The following PITHD1 variants were observed in gnomAD, a reference collection of about 807,000 sequenced individuals.
The protein encoded by PITHD1 is PITH domain containing 1.
PITHD1 carries 8 observed loss-of-function variants against 27.5 expected under a neutral mutation model. The ratio of observed to expected loss-of-function variants is 0.29; its 90% CI spans 0.17 to 0.52. PITHD1 has a LOEUF of 0.52. Ranked by LOEUF, PITHD1 falls within the 20% of genes least tolerant of loss-of-function variation. PITHD1 has a pLI of 0.96. For missense variants in PITHD1, 233 were observed against 283.9 expected, an observed-to-expected ratio of 0.82 and a Z score of 1.29; for synonymous variants, 118 against 106.8, an observed-to-expected ratio of 1.10 and a Z score of -0.64.
chr1:23,785,648 T>C, intron 3 of PITHD1, 27 bp from the exon 4 acceptor site: 2 of 1,439,018 alleles, frequency 1.4e-6, no homozygotes, highest in Non-Finnish European at 2.0e-6. Flanking sequence ...GCACATTTCT[T>C]GACTTTTCTT....
chr1:23,787,923 C>G lies in PITHD1; in HGVS notation c.*547C>G, dbSNP rs891357049. 4 of 152,524 alleles carry G rather than the reference C, an allele frequency of 2.6e-5. No individual in the cohort carries two copies. Among genetic ancestry groups the G allele is most frequent in the African/African-American group, 9.6e-5 (4 of 41,526 alleles). 9.4% of individuals were successfully genotyped at this position (152,524 alleles called of 1,614,324 possible). Reference sequence around the variant, plus strand: ...GGAGTTGTCTGTCACGCACATGTGTCCTGTGGTTATAGCTAGAAGGACAGG... The same window carrying G: ...GGAGTTGTCTGTCACGCACATGTGTGCTGTGGTTATAGCTAGAAGGACAGG... On this transcript the variant is annotated 3_prime_UTR_variant, in exon 6 of 6. Transcript: ENST00000246151.
intron 3 of PITHD1, among the ~76,000 whole-genome samples, chr1:23,784,234 CTTTTTTTTTTT>C (rs774484769): frequency 7.4e-5 from 6 of 81,438 alleles, no homozygotes; most frequent in Admixed American, 3.6e-4. Flanking sequence ...CATTTGCTTT[CTTTTTTTTTTT>C]TTTTTTTTTT....
At chr1:23,781,156 C>G (rs1470347792) in intron 3 of PITHD1, among the ~76,000 whole-genome samples, 1 of 152,046 alleles carries the variant, frequency 6.6e-6, no homozygotes, top group Non-Finnish European at 1.5e-5. Context: ...CCACTGCACT[C>G]CAGTCTGGGT....
rs1333422635 is a variant in PITHD1 at position 23,787,284 on chromosome 1, C to T, written c.544C>T (p.His182Tyr). The T allele has an allele frequency of 6.2e-7, 1 of 1,613,418 alleles. No homozygotes were observed. ...LRGEWTELRR[H>Y]EVTICNYEAS... ...CTCAATTTTCTTGCAGCTTCGCCGA[C>T]ACGAGGTGACCATCTGCAATTACGA... The change falls in exon 6 of 6, where the codon CAC (histidine) becomes TAC (tyrosine). Residue 182 changes from histidine to tyrosine, a missense_variant. Physicochemically the swap from His to Tyr is moderately conservative, Grantham distance 83 (BLOSUM62 2). Transcript: ENST00000246151.
intron 4 of PITHD1, 106 bp downstream of exon 4, chr1:23,785,885 T>C: frequency 1.5e-6 from 1 of 647,460 alleles, no homozygotes. Context: ...GTTAAAACAG[T>C]GGAGGAGACT....
At chr1:23,783,709 C>T (rs1638643234) in intron 3 of PITHD1, among the ~76,000 whole-genome samples, 1 of 152,100 alleles carries the variant, frequency 6.6e-6, no homozygotes, top group Admixed American at 6.6e-5. Flanking sequence ...CCTGCCTCCG[C>T]CTCCCAAAGT....
At position 23,787,270 on chromosome 1, in the gene PITHD1, T is replaced by TG; in HGVS notation, c.535-4dup. ...CTGGCTGACCCAGCCTCAATTTTCT[T>TG]GCAGCTTCGCCGACACGAGGTGACC... On this transcript the variant is annotated splice_region_variant and splice_polypyrimidine_tract_variant and intron_variant, in intron 5 of 5. Coordinates refer to ENST00000246151, the MANE Select transcript of PITHD1 (RefSeq NM_020362.5). 5 of 1,611,858 alleles carry TG rather than the reference T, an allele frequency of 3.1e-6. No individual in the cohort carries two copies. Among genetic ancestry groups the TG allele is most frequent in the Non-Finnish European group, 3.4e-6 (4 of 1,178,012 alleles).
chr1:23,779,097 G>C (rs1274244206), intron 1 of PITHD1, among the ~76,000 whole-genome samples: 1 of 152,186 alleles, frequency 6.6e-6, no homozygotes, highest in East Asian at 1.9e-4. Flanking sequence ...TCTTTACATT[G>C]TGGGGTCGCA....
chr1:23,779,613 G>C, intron 2 of PITHD1, 132 bp downstream of exon 2: 2 of 776,100 alleles, frequency 2.6e-6, no homozygotes, highest in South Asian at 3.0e-5. Flanking sequence ...TGGGTTTGAG[G>C]AGGAAAGCAT....
rs767945050 is a variant in PITHD1 at position 23,779,890 on chromosome 1, G to A, written c.269G>A (p.Gly90Asp). 2 of 1,613,694 alleles carry A rather than the reference G, an allele frequency of 1.2e-6. No individual in the cohort carries two copies. The highest frequency in any genetic ancestry group is 1.7e-6 in the Non-Finnish European group (2 of 1,179,690). Residue 90 changes from glycine (G) to aspartate (D), a missense_variant, in exon 3 of 6, where the codon GGC becomes GAC. Physicochemically the swap from Gly to Asp is moderately conservative, Grantham distance 94. Coordinates refer to ENST00000246151, the MANE Select transcript of PITHD1 (RefSeq NM_020362.5). Reference protein sequence around the residue: ...IPFTGNVKLKGIIIMGEDDDS... With the variant: ...IPFTGNVKLKDIIIMGEDDDS... ...TTTACGGGCAATGTCAAGCTCAAAGGCATCATTATAATGGGAGAGGATGAT... is the reference window on the plus strand; with the variant it reads ...TTTACGGGCAATGTCAAGCTCAAAGACATCATTATAATGGGAGAGGATGAT...
chr1:23,787,752 A>C lies in PITHD1; in HGVS notation c.*376A>C, dbSNP rs1355469547. The C allele has an allele frequency of 6.3e-6, 1 of 158,366 alleles. No homozygotes were observed. Among genetic ancestry groups the C allele is most frequent in the Non-Finnish European group, 1.4e-5 (1 of 72,078 alleles). The allele number at this position is 158,366 out of a possible 1,614,324, so 9.8% of individuals were successfully genotyped here. ...GTTTTTGTTTTTGTTTTTTTAAAGGAAACTATTTGTGGGCTATAGGAAACT... is the reference window on the plus strand; with the variant it reads ...GTTTTTGTTTTTGTTTTTTTAAAGGCAACTATTTGTGGGCTATAGGAAACT... On this transcript the variant is annotated 3_prime_UTR_variant, in exon 6 of 6. Transcript: ENST00000246151.
chr1:23,779,780 A>C, intron 2 of PITHD1, 84 bp from the exon 3 acceptor site: 1 of 968,696 alleles, frequency 1.0e-6, no homozygotes, highest in Non-Finnish European at 1.7e-6. Context: ...AAGCCCATAC[A>C]GGGGAAGGGT....
chr1:23,779,542 G>A (rs1638564844), intron 2 of PITHD1, 61 bp downstream of exon 2: 1 of 1,251,676 alleles, frequency 8.0e-7, no homozygotes, highest in Non-Finnish European at 1.2e-6. Context: ...GCCTCAGATG[G>A]ATTCATTCAC....
chr1:23,779,383 T>C, intron 1 of PITHD1, 55 bp from the exon 2 acceptor site: 4 of 1,393,156 alleles, frequency 2.9e-6, no homozygotes, highest in Non-Finnish European at 4.1e-6. Context: ...CCTGAAATTG[T>C]AGGCTCTCAG....
chr1:23,778,525 G>C lies in PITHD1; in HGVS notation c.10G>C (p.Gly4Arg). The C allele has an allele frequency of 2.2e-6, 3 of 1,345,296 alleles. No individual in the cohort carries two copies. The African/African-American group carries it at 4.6e-5, about 21-fold the overall frequency. 83.3% of individuals were successfully genotyped at this position (1,345,296 alleles called of 1,614,324 possible). Residue 4 changes from glycine (G) to arginine (R), a missense_variant, in exon 1 of 6, where the codon GGT becomes CGT. By Grantham distance (125) the Gly-to-Arg change is moderately radical. Transcript: ENST00000246151. Reference sequence around the variant, plus strand: ...AGGTGGCGGCGTTGCCATGTCGCACGGTCACAGCCACGGCGGGGGTGGCTG... The same window carrying C: ...AGGTGGCGGCGTTGCCATGTCGCACCGTCACAGCCACGGCGGGGGTGGCTG... MSH[G>R]HSHGGGGCRC... is the part of the protein sequence containing the mutation.
chr1:23,778,799 T>C (rs1446384193), intron 1 of PITHD1, 86 bp downstream of exon 1: 1 of 810,906 alleles, frequency 1.2e-6, no homozygotes, highest in Non-Finnish European at 1.7e-6. Flanking sequence ...ATGTTAAGAA[T>C]AACGACAGCC....
intron 2 of PITHD1, 123 bp from the exon 3 acceptor site, chr1:23,779,741 C>G: frequency 1.3e-6 from 1 of 745,568 alleles, no homozygotes; most frequent in South Asian, 1.5e-5. Flanking sequence ...TAGAAATTAT[C>G]TAGTACAAGT....
At chr1:23,782,686 C>T (rs1008767898) in intron 3 of PITHD1, among the ~76,000 whole-genome samples, 11 of 152,026 alleles carry the variant, frequency 7.2e-5, no homozygotes, top group Admixed American at 4.6e-4. Flanking sequence ...ACTGCAGCCT[C>T]GACCTCCTCA....
chr1:23,778,434 C>G lies in PITHD1; in HGVS notation c.-82C>G, dbSNP rs1638541086. 2.1e-6 allele frequency: 2 copies of G among 941,148 alleles called. No individual in the cohort carries two copies. Among genetic ancestry groups the G allele is most frequent in the East Asian group, 8.2e-5 (2 of 24,498 alleles). 58.3% of individuals were successfully genotyped at this position (941,148 alleles called of 1,614,324 possible). A position where few individuals can be genotyped will look rare whatever the true frequency, so the allele number is the denominator to read the frequency against. On this transcript the variant is annotated 5_prime_UTR_variant, in exon 1 of 6. Transcript: ENST00000246151. The stretch of plus-strand genomic sequence containing the variant: ...GGCGCGCTTAGTTGCCGGAGCTGAA[C>G]GGCGCGGAGCTGGTCTGAGGCGAGC...
Sources: gnomAD v4.1 joint callset for allele counts (sites outside exome capture counted in the v4.1 genomes callset) on GRCh38, gnomAD v4.1.1 for gene constraint, MANE v1.5 for transcripts, NCBI Gene and HGNC (gene_info 2026-07-23, HGNC 2026-07-21) for gene names.